TMPRSS11E: variants seen among roughly 807,000 people sequenced by gnomAD.
TMPRSS11E encodes transmembrane serine protease 11E.
TMPRSS11E carries 38 observed loss-of-function variants against 48.1 expected under a neutral mutation model. That is an observed-to-expected ratio of 0.79 (90% CI 0.61 to 1.04). TMPRSS11E has a LOEUF of 1.04. Among genes scored for constraint, TMPRSS11E ranks in the 50% least tolerant of loss-of-function variants. The pLI is 0.00. For missense variants in TMPRSS11E, 530 were observed against 510.8 expected, an observed-to-expected ratio of 1.04 and a Z score of -0.36; for synonymous variants, 158 against 171.9, an observed-to-expected ratio of 0.92 and a Z score of 0.63.
At chr4:68,466,829 G>T in intron 3 of TMPRSS11E, 77 bp downstream of exon 3, 1 of 1,577,886 alleles carries the variant, frequency 6.3e-7, no homozygotes, top group Non-Finnish European at 8.6e-7. Flanking sequence ...GCTTCTAAAA[G>T]ATCCATTCAA....
At chr4:68,467,260 A>T (rs1404128277) in intron 3 of TMPRSS11E, among the ~76,000 whole-genome samples, 1 of 152,082 alleles carries the variant, frequency 6.6e-6, no homozygotes, top group Non-Finnish European at 1.5e-5. Context: ...TTAACCTTCA[A>T]CTAGCTTTTG....
At chr4:68,478,641 G>A (rs1729310971) in intron 8 of TMPRSS11E, among the ~76,000 whole-genome samples, 1 of 151,272 alleles carries the variant, frequency 6.6e-6, no homozygotes, top group Non-Finnish European at 1.5e-5. Flanking sequence ...TTTTAGTAGA[G>A]ACAGGATTTC....
At chr4:68,449,709 T>C (rs895703689) in intron 1 of TMPRSS11E, among the ~76,000 whole-genome samples, 2 of 151,786 alleles carry the variant, frequency 1.3e-5, no homozygotes, top group Non-Finnish European at 3.0e-5. Flanking sequence ...CAAGCACTAA[T>C]GGTGTAAAGA....
chr4:68,459,956 T>G (rs1728742816), intron 1 of TMPRSS11E, among the ~76,000 whole-genome samples: 1 of 152,190 alleles, frequency 6.6e-6, no homozygotes, highest in Admixed American at 6.5e-5. Context: ...ACATAAAACA[T>G]AATCTCATTG....
Position 68,480,916 on chromosome 4 carries a change from T to A in TMPRSS11E, c.1110+1925T>A, listed in dbSNP as rs181243506. On this transcript the variant is annotated intron_variant, in intron 9 of 9. Transcript: ENST00000305363. ...TATTTCATCATGCAGGTAGTAAGCATAATAACCAATAGGTAGTTTTTGGTT... is the reference window on the plus strand; with the variant it reads ...TATTTCATCATGCAGGTAGTAAGCAAAATAACCAATAGGTAGTTTTTGGTT... Among the ~76,000 whole-genome samples, 23 of 152,298 alleles carry A rather than the reference T, an allele frequency of 1.5e-4. No homozygotes were observed. In the East Asian group the frequency reaches 4.2e-3, roughly 28 times the overall value.
At chr4:68,495,313 G>A (rs975365508) in intron 9 of TMPRSS11E, among the ~76,000 whole-genome samples, 3 of 150,838 alleles carry the variant, frequency 2.0e-5, no homozygotes, top group Admixed American at 6.6e-5. Flanking sequence ...ATTTATTCTC[G>A]GACTCATTTA....
Position 68,497,172 on chromosome 4 carries a change from C to A in TMPRSS11E, c.*368C>A, listed in dbSNP as rs1729896189. The A allele has an allele frequency of 6.3e-6, 1 of 159,058 alleles. No individual in the cohort carries two copies. The highest frequency in any genetic ancestry group is 1.4e-5 in the Non-Finnish European group (1 of 73,042). The allele number at this position is 159,058 out of a possible 1,614,324, so 9.9% of individuals were successfully genotyped here. ...TTTGAAGCACTCCTTTTCTTCAGTT[C>A]CTCAGCTCCTCTCATTTCAGCAAAT... On this transcript the variant is annotated 3_prime_UTR_variant, in exon 10 of 10. Transcript: ENST00000305363.
chr4:68,467,367 C>A (rs1728955039), intron 3 of TMPRSS11E, among the ~76,000 whole-genome samples: 1 of 152,068 alleles, frequency 6.6e-6, no homozygotes, highest in South Asian at 2.1e-4. Flanking sequence ...AAATTAGCAG[C>A]ATGGGCCAAA....
intron 9 of TMPRSS11E, among the ~76,000 whole-genome samples, chr4:68,485,011 TC>T (rs1345602043): frequency 3.9e-5 from 6 of 152,214 alleles, no homozygotes; most frequent in Non-Finnish European, 8.8e-5. Context: ...AGAGTGCACA[TC>T]CTTGTCTTTT....
intron 8 of TMPRSS11E, 93 bp from the exon 9 acceptor site, chr4:68,478,756 G>C: frequency 7.1e-7 from 1 of 1,412,308 alleles, no homozygotes. Flanking sequence ...TGCCTGGCCT[G>C]TATCACCATC....
At chr4:68,469,600 G>A (rs760857884) in intron 4 of TMPRSS11E, among the ~76,000 whole-genome samples, 11 of 151,802 alleles carry the variant, frequency 7.2e-5, no homozygotes, top group Non-Finnish European at 1.3e-4. Flanking sequence ...TTTGATCACT[G>A]TCTTCTAAAA....
chr4:68,459,487 C>G (rs1320647566), intron 1 of TMPRSS11E, among the ~76,000 whole-genome samples: 1 of 151,902 alleles, frequency 6.6e-6, no homozygotes, highest in Non-Finnish European at 1.5e-5. Context: ...GTTGTGTCTT[C>G]TATATATTTT....
chr4:68,467,683 C>G (rs966834759), intron 3 of TMPRSS11E, among the ~76,000 whole-genome samples: 1 of 152,122 alleles, frequency 6.6e-6, no homozygotes, highest in East Asian at 1.9e-4. Context: ...CCCTGGAAAC[C>G]GCCCAGTAGA....
intron 1 of TMPRSS11E, 64 bp downstream of exon 1, chr4:68,447,587 G>A (rs1482688905): frequency 3.7e-6 from 5 of 1,361,610 alleles, no homozygotes; most frequent in South Asian, 2.5e-5. Flanking sequence ...AACAGTATGA[G>A]CCACACCAAG....
chr4:68,482,257 C>T (rs1296697889), intron 9 of TMPRSS11E, among the ~76,000 whole-genome samples: 1 of 152,086 alleles, frequency 6.6e-6, no homozygotes, highest in African/African-American at 2.4e-5. Context: ...GATTGGCTCC[C>T]ATGACCTGAA....
rs763054730 is a variant in TMPRSS11E, at chr4:68,477,353, A to AT, written c.708-9dup. 3.2e-6 allele frequency: 5 copies of AT among 1,583,808 alleles called. No homozygotes were observed. Among genetic ancestry groups the AT allele is most frequent in the Admixed American group, 1.9e-5 (1 of 52,184 alleles). On this transcript the variant is annotated splice_polypyrimidine_tract_variant and intron_variant, in intron 7 of 9. Transcript: ENST00000305363. ...CATGGTAAAAAGAAATTTATTCTTC[A>AT]TTTTTTTCTCCCCAGATATAAGAAC...
At position 68,496,650 on chromosome 4, in the gene TMPRSS11E, C is replaced by G. The variant is rs769790700; in HGVS notation, c.1118C>G (p.Ser373Cys). The change falls in exon 10 of 10, where the codon TCT becomes TGT. Residue 373 changes from serine to cysteine, a missense_variant. Physicochemically the swap from Ser to Cys is moderately radical, Grantham distance 112 (BLOSUM62 -1). Coordinates refer to ENST00000305363, the MANE Select transcript of TMPRSS11E (RefSeq NM_014058.4). ...EGKTDACQGDSGGPLVSSDAR... is the reference protein window; with the variant it reads ...EGKTDACQGDCGGPLVSSDAR... ...TTCTGTCTTCTCCTTTAGGGTGACT[C>G]TGGAGGACCACTGGTTAGTTCAGAT... 6.8e-6 allele frequency: 11 copies of G among 1,611,798 alleles called. No homozygotes were observed. Among genetic ancestry groups the G allele is most frequent in the African/African-American group, 4.0e-5 (3 of 74,770 alleles).
At chr4:68,458,012 C>G (rs937408637) in intron 1 of TMPRSS11E, among the ~76,000 whole-genome samples, 1 of 152,052 alleles carries the variant, frequency 6.6e-6, no homozygotes, top group Non-Finnish European at 1.5e-5. Context: ...AGCAAACCAC[C>G]ATGGCACGTG....
chr4:68,468,202 T>G (rs1279522170), intron 3 of TMPRSS11E, among the ~76,000 whole-genome samples: 1 of 152,162 alleles, frequency 6.6e-6, no homozygotes, highest in African/African-American at 2.4e-5. Context: ...TTACTAAATA[T>G]CCACATACTG....
Sources: allele counts gnomAD v4.1 joint callset (sites outside exome capture counted in the v4.1 genomes callset), GRCh38; gene constraint gnomAD v4.1.1; transcripts MANE v1.5; gene names NCBI Gene and HGNC (gene_info 2026-07-23, HGNC 2026-07-21).